Variants in CAPN5 observed in about 807,000 individuals in gnomAD.
CAPN5 encodes the protein calpain-5.
A neutral mutation model predicts 73.0 loss-of-function variants in CAPN5; 54 were observed. The ratio of observed to expected loss-of-function variants is 0.74; its 90% CI spans 0.59 to 0.93. The LOEUF (loss-of-function observed/expected upper bound fraction) is 0.93. Among genes scored for constraint, CAPN5 ranks in the 40% least tolerant of loss-of-function variants. The pLI is 0.00. For synonymous variants in CAPN5, 335 were observed against 356.9 expected (o/e 0.94, Z 0.69); for missense variants, 785 against 882.9 (o/e 0.89, Z 1.41).
At chr11:77,119,396 A>G in intron 9 of CAPN5, 1 of 521,638 alleles carries the variant, frequency 1.9e-6, no homozygotes, top group Non-Finnish European at 3.4e-6. Context: ...TAAGACCCAC[A>G]GGCCTGGGAT....
intron 1 of CAPN5, chr11:77,072,939 C>A: frequency 2.3e-6 from 1 of 434,696 alleles, no homozygotes. Flanking sequence ...GCTCACACAG[C>A]ACAGTGAGGC....
intron 7 of CAPN5, among the ~76,000 whole-genome samples, chr11:77,117,762 A>G (rs1288779685): frequency 2.0e-5 from 3 of 152,200 alleles, no homozygotes; most frequent in African/African-American, 4.8e-5. Context: ...AAGATCCTGG[A>G]TGCAGATGTG....
intron 2 of CAPN5, chr11:77,087,883 C>T (rs371371121): frequency 1.3e-6 from 2 of 1,535,154 alleles, no homozygotes. Flanking sequence ...CCGACCTGGG[C>T]ACCTGCCTTC....
At chr11:77,105,471 C>T (rs988281986) in intron 3 of CAPN5, among the ~76,000 whole-genome samples, 6 of 152,208 alleles carry the variant, frequency 3.9e-5, no homozygotes, top group African/African-American at 1.2e-4. Context: ...ATCTGGGCGC[C>T]GCCGAGGGCT....
chr11:77,074,094 G>A (rs925759741), intron 1 of CAPN5, among the ~76,000 whole-genome samples: 4 of 152,196 alleles, frequency 2.6e-5, no homozygotes, highest in Non-Finnish European at 5.9e-5. Flanking sequence ...TGGAGGATGG[G>A]GTATGGGATA....
chr11:77,105,103 G>T (rs1386353601), intron 3 of CAPN5, among the ~76,000 whole-genome samples: 1 of 151,642 alleles, frequency 6.6e-6, no homozygotes, highest in Non-Finnish European at 1.5e-5. Flanking sequence ...CAGCTCTGGG[G>T]ACCCTCTTAG....
chr11:77,120,713 GTGGAGGAGA>G lies in CAPN5; in HGVS notation c.1292_1300del (p.Val431_Asn434delinsAsp). 1 of 1,600,178 alleles carries G rather than the reference GTGGAGGAGA, an allele frequency of 6.2e-7. No individual in the cohort carries two copies. The highest frequency in any genetic ancestry group is 2.2e-5 in the East Asian group (1 of 44,594). On this transcript the variant is annotated inframe_deletion and splice_region_variant, in exon 10 of 13. Transcript: ENST00000648180. ...GCCCAGCCCCTCCCGCCTCCTGCAG[GTGGAGGAGA>G]ACCGCCAGTACCGCATGCACAGCCT...
rs1242829673 is a variant in CAPN5 at position 77,121,820 on chromosome 11, C to A, written c.1488-114C>A. ...GGATTTGCTCAGGACTAAATGAAAT[C>A]AAGTTTGGGCTAAATACTGCTTCTC... On this transcript the variant is annotated intron_variant, in intron 10 of 12. Coordinates refer to ENST00000648180, the MANE Select transcript of CAPN5 (RefSeq NM_004055.5). The A allele has an allele frequency of 5.0e-6, 3 of 600,150 alleles. No individual in the cohort carries two copies. In the East Asian group the frequency reaches 8.9e-5, roughly 18 times the overall value. The allele number at this position is 600,150 out of a possible 1,614,324, so 37.2% of individuals were successfully genotyped here. A position where few individuals can be genotyped will look rare whatever the true frequency, so the allele number is the denominator to read the frequency against.
At position 77,105,546 on chromosome 11, in the gene CAPN5, A is replaced by C. The variant is rs147151947; in HGVS notation, c.298-7043A>C. On this transcript the variant is annotated intron_variant, in intron 3 of 12. Transcript: ENST00000648180. ...TCCCTGCCTTGCAGGGCCACTGGGC[A>C]GGGGGTGGATGGAAGGGCAGAGTTT... 5.7e-3 allele frequency among the ~76,000 whole-genome samples: 867 copies of C among 152,234 alleles called. 7 individuals carry two copies. The highest frequency in any genetic ancestry group is 0.018 in the African/African-American group (761 of 41,540).
At chr11:77,106,378 C>G (rs1555039890) in intron 3 of CAPN5, among the ~76,000 whole-genome samples, 3 of 151,920 alleles carry the variant, frequency 2.0e-5, no homozygotes, top group Non-Finnish European at 4.4e-5. Context: ...CTCCCACCCT[C>G]AGGACAGCAG....
chr11:77,124,687 T>C lies in CAPN5; in HGVS notation c.*817T>C, dbSNP rs1950555429. ...CCTCTGCCCAGTGCTGGAAGGAGCA[T>C]GCCTGGGTTAGTGGGCCAGGGGCCA... On this transcript the variant is annotated 3_prime_UTR_variant, in exon 13 of 13. Transcript: ENST00000648180. 6.6e-6 allele frequency: 1 copy of C among 152,366 alleles called. No individual in the cohort carries two copies. The highest frequency in any genetic ancestry group is 6.5e-5 in the Admixed American group (1 of 15,290). The allele number at this position is 152,366 out of a possible 1,614,324, so 9.4% of individuals were successfully genotyped here. A position where few individuals can be genotyped will look rare whatever the true frequency, so the allele number is the denominator to read the frequency against.
At position 77,114,181 on chromosome 11, in the gene CAPN5, G is replaced by A. The variant is rs1256802720; in HGVS notation, c.507-61G>A. The A allele has an allele frequency of 1.8e-5, 28 of 1,531,238 alleles. No individual in the cohort carries two copies. In the Admixed American group the frequency reaches 4.5e-4, roughly 25 times the overall value. 94.9% of individuals were successfully genotyped at this position (1,531,238 alleles called of 1,614,324 possible). A position where few individuals can be genotyped will look rare whatever the true frequency, so the allele number is the denominator to read the frequency against. On this transcript the variant is annotated intron_variant, in intron 4 of 12. Coordinates refer to ENST00000648180, the MANE Select transcript of CAPN5 (RefSeq NM_004055.5). Reference sequence around the variant, plus strand: ...GAGTTTCAAAAACCTCCCCTATGAGGTAAAGGATGCAGCCTGGCTGGGGAG... The same window carrying A: ...GAGTTTCAAAAACCTCCCCTATGAGATAAAGGATGCAGCCTGGCTGGGGAG...
At chr11:77,083,659 C>T (rs1555034935) in intron 1 of CAPN5, among the ~76,000 whole-genome samples, 1 of 152,222 alleles carries the variant, frequency 6.6e-6, no homozygotes, top group Non-Finnish European at 1.5e-5. Flanking sequence ...CCCCTTCCCC[C>T]TCACTCCTCT....
chr11:77,069,114 T>G (rs1949875402), intron 1 of CAPN5, among the ~76,000 whole-genome samples: 1 of 152,152 alleles, frequency 6.6e-6, no homozygotes, highest in African/African-American at 2.4e-5. Context: ...GTCTGTTCTT[T>G]CTCTTGGCTG....
chr11:77,094,455 C>T (rs1253310922), intron 3 of CAPN5, among the ~76,000 whole-genome samples: 2 of 152,346 alleles, frequency 1.3e-5, no homozygotes, highest in South Asian at 4.1e-4. Flanking sequence ...AACCCAACCT[C>T]CTATCCCAGC....
intron 3 of CAPN5, among the ~76,000 whole-genome samples, chr11:77,111,128 G>A (rs959890312): frequency 4.6e-5 from 7 of 152,012 alleles, no homozygotes; most frequent in African/African-American, 1.4e-4. Context: ...GCTGAGTAGG[G>A]TCTGGCACTC....
intron 9 of CAPN5, 64 bp downstream of exon 9, chr11:77,119,216 C>G: frequency 1.3e-6 from 2 of 1,540,170 alleles, no homozygotes; most frequent in Non-Finnish European, 1.8e-6. Context: ...TTGGACTGCC[C>G]ATGCCTGAGG....
rs1950503862 is a variant in CAPN5 at position 77,119,642 on chromosome 11, T to C, written c.1290+490T>C. 4 of 163,550 alleles carry C rather than the reference T, an allele frequency of 2.4e-5. No individual in the cohort carries two copies. In the South Asian group the frequency reaches 7.0e-4, roughly 29 times the overall value. The allele number at this position is 163,550 out of a possible 1,614,324, so 10.1% of individuals were successfully genotyped here. ...CCTGGAACCTGAGGCCTTCCACGTG[T>C]TGTGATGCCCAGTGTGTGGTGACAG... On this transcript the variant is annotated intron_variant, in intron 9 of 12. Transcript: ENST00000648180.
intron 10 of CAPN5, among the ~76,000 whole-genome samples, chr11:77,121,293 C>G (rs532211289): frequency 5.9e-5 from 9 of 152,362 alleles, no homozygotes; most frequent in Non-Finnish European, 1.3e-4. Context: ...CTGCCTGGTT[C>G]CAGGGTTGGG....
Sources: allele counts gnomAD v4.1 joint callset (sites outside exome capture counted in the v4.1 genomes callset), GRCh38; gene constraint gnomAD v4.1.1; transcripts MANE v1.5; gene names NCBI Gene and HGNC (gene_info 2026-07-23, HGNC 2026-07-21).